Variants in SUN1 observed in about 807,000 individuals in gnomAD.
SUN1 encodes the protein Sad1 and UNC84 domain containing 1.
SUN1 carries 61 observed loss-of-function variants against 103.2 expected under a neutral mutation model. That is an observed-to-expected ratio of 0.59 (90% CI 0.48 to 0.73). The LOEUF is 0.73. Ranked by LOEUF, SUN1 falls within the 30% of genes least tolerant of loss-of-function variation. The probability of loss-of-function intolerance (pLI) is 0.00; values close to 1 mark genes in which losing one functional copy is unlikely to be tolerated. For synonymous variants in SUN1, 490 were observed against 425.7 expected (o/e 1.15, Z -1.86); for missense variants, 1,052 against 1,034.6 (o/e 1.02, Z -0.23).
At chr7:852,457 G>A in intron 7 of SUN1, 152 bp from the exon 8 acceptor site, 1 of 824,554 alleles carries the variant, frequency 1.2e-6, no homozygotes, top group South Asian at 1.6e-5. Context: ...AGGTTCTCCT[G>A]AAGGCATCAG....
intron 5 of SUN1, among the ~76,000 whole-genome samples, chr7:845,279 T>C (rs1814316914): frequency 6.6e-6 from 1 of 152,128 alleles, no homozygotes; most frequent in Admixed American, 6.6e-5. Context: ...CCGAAACTCA[T>C]GGCGCCTCCC....
chr7:849,906 T>G (rs1233150017), intron 5 of SUN1: 1 of 1,586,940 alleles, frequency 6.3e-7, no homozygotes, highest in African/African-American at 1.3e-5. Flanking sequence ...ACTCACTGCC[T>G]GTCACCACAC....
At chr7:872,694 C>G in intron 18 of SUN1, 132 bp downstream of exon 18, 1 of 693,218 alleles carries the variant, frequency 1.4e-6, no homozygotes, top group Admixed American at 2.6e-5. Flanking sequence ...ACCTGCGCTT[C>G]CTGGCTCTGC....
At chr7:873,137 G>C in intron 18 of SUN1, 78 bp from the exon 19 acceptor site, 1 of 1,296,208 alleles carries the variant, frequency 7.7e-7, no homozygotes. Flanking sequence ...CCTGTCAGAC[G>C]TCATATTTGG....
chr7:849,939 C>A (rs1253842035), intron 5 of SUN1: 1 of 1,598,876 alleles, frequency 6.3e-7, no homozygotes, highest in East Asian at 2.2e-5. Flanking sequence ...ACTGTAAGGG[C>A]AAGAGGCACC....
At chr7:840,754 G>T (rs1215230517) in intron 2 of SUN1, among the ~76,000 whole-genome samples, 1 of 148,480 alleles carries the variant, frequency 6.7e-6, no homozygotes, top group Non-Finnish European at 1.5e-5. Flanking sequence ...CCATTCTCCT[G>T]CCTCAGCCTC....
intron 18 of SUN1, among the ~76,000 whole-genome samples, chr7:872,960 G>A (rs191871012): frequency 0.018 from 2,674 of 152,294 alleles, 36 homozygotes; most frequent in Non-Finnish European, 0.031. Flanking sequence ...GGTGGCGCAC[G>A]CCTGTAATCC....
intron 5 of SUN1, chr7:848,365 G>A: frequency 7.6e-7 from 1 of 1,313,214 alleles, no homozygotes; most frequent in Non-Finnish European, 1.0e-6. Flanking sequence ...TTATCAGGAA[G>A]TAGATATTGG....
upstream of SUN1, among the ~76,000 whole-genome samples, chr7:830,535 A>G (rs776935682): frequency 1.3e-5 from 2 of 152,222 alleles, no homozygotes; most frequent in Non-Finnish European, 2.9e-5. Flanking sequence ...TGAAAGTGAA[A>G]TCAGAATGAT....
At chr7:834,343 ATGGCCGGAGTGCCTCGGG>A in intron 1 of SUN1, among the ~76,000 whole-genome samples, 1 of 152,074 alleles carries the variant, frequency 6.6e-6, no homozygotes, top group Non-Finnish European at 1.5e-5. Flanking sequence ...TGTCCAGGAG[ATGGCCGGAGTGCCTCGGG>A]GAGGTCCAGC....
chr7:836,709 T>G (rs1048980930), intron 1 of SUN1, among the ~76,000 whole-genome samples: 1 of 152,258 alleles, frequency 6.6e-6, no homozygotes, highest in African/African-American at 2.4e-5. Context: ...ATTTAAATGT[T>G]ACTGTCATCC....
chr7:830,867 C>G (rs1797298679), upstream of SUN1: 1 of 835,834 alleles, frequency 1.2e-6, no homozygotes, highest in African/African-American at 1.8e-5. Context: ...TGTTGCTCGG[C>G]AGTGCAGGCA....
upstream of SUN1, among the ~76,000 whole-genome samples, chr7:829,945 C>T (rs78095229): frequency 3.9e-3 from 592 of 152,358 alleles, 5 homozygotes; most frequent in African/African-American, 0.014. Flanking sequence ...TGTCACCTGT[C>T]AGGCATTGCC....
chr7:836,831 G>A (rs531459465), intron 1 of SUN1, among the ~76,000 whole-genome samples: 17 of 152,246 alleles, frequency 1.1e-4, no homozygotes, highest in Admixed American at 2.0e-4. Context: ...AAGGATGGGC[G>A]CGGTCAAGGA....
At chr7:849,550 TGA>T in intron 5 of SUN1, 1 of 1,398,354 alleles carries the variant, frequency 7.2e-7, no homozygotes, top group South Asian at 1.1e-5. Context: ...AGAATGAATG[TGA>T]GAGAGGTTCT....
At chr7:864,959 A>G (rs1835287110) in intron 15 of SUN1, among the ~76,000 whole-genome samples, 1 of 151,422 alleles carries the variant, frequency 6.6e-6, no homozygotes, top group Non-Finnish European at 1.5e-5. Context: ...CCCATTAACC[A>G]TCCCCACTTT....
intron 13 of SUN1, among the ~76,000 whole-genome samples, chr7:859,185 G>A (rs932049452): frequency 2.0e-5 from 3 of 151,562 alleles, no homozygotes; most frequent in Non-Finnish European, 4.4e-5. Flanking sequence ...GAAAAAGCAT[G>A]TCACCGTGCT....
upstream of SUN1, among the ~76,000 whole-genome samples, chr7:828,928 A>G (rs1239296391): frequency 6.6e-6 from 1 of 152,198 alleles, no homozygotes; most frequent in African/African-American, 2.4e-5. Flanking sequence ...TATTCTCAGC[A>G]TCCTGCACAA....
At chr7:860,520 G>T in intron 14 of SUN1, 138 bp downstream of exon 14, 1 of 1,410,098 alleles carries the variant, frequency 7.1e-7, no homozygotes, top group Non-Finnish European at 9.5e-7. Flanking sequence ...ACGTAAGTGA[G>T]ATGAGACGTG....
Sources: gnomAD v4.1 joint callset for allele counts (sites outside exome capture counted in the v4.1 genomes callset) on GRCh38, gnomAD v4.1.1 for gene constraint, MANE v1.5 for transcripts, NCBI Gene and HGNC (gene_info 2026-07-23, HGNC 2026-07-21) for gene names.